Variants in CABIN1 observed in about 807,000 individuals in gnomAD.
CABIN1 encodes the protein calcineurin-binding protein cabin-1.
CABIN1 carries 133 observed loss-of-function variants against 227.7 expected under a neutral mutation model. That is an observed-to-expected ratio of 0.58 (90% CI 0.51 to 0.67). The LOEUF is 0.67. CABIN1 is among the 30% of genes least tolerant of loss of function. The probability of loss-of-function intolerance (pLI) is 0.00; values close to 1 mark genes in which losing one functional copy is unlikely to be tolerated. For missense variants in CABIN1, 2,408 were observed against 2,852.5 expected (o/e 0.84, Z 3.55); for synonymous variants, 1,086 against 1,155.1 (o/e 0.94, Z 1.21).
intron 28 of CABIN1, among the ~76,000 whole-genome samples, chr22:24,131,595 C>T (rs2044076494): frequency 6.6e-6 from 1 of 152,194 alleles, no homozygotes; most frequent in Admixed American, 6.5e-5. Flanking sequence ...CCTGACTGCC[C>T]CAGGTGTCTG....
intron 3 of CABIN1, among the ~76,000 whole-genome samples, chr22:24,036,924 C>T (rs1209095262): frequency 6.6e-6 from 1 of 152,092 alleles, no homozygotes; most frequent in Non-Finnish European, 1.5e-5. Flanking sequence ...TGTCATCCTC[C>T]CCAGGCAATG....
At chr22:24,109,863 A>C (rs60848203) in intron 26 of CABIN1, among the ~76,000 whole-genome samples, 392 of 152,364 alleles carry the variant, frequency 2.6e-3, no homozygotes, top group African/African-American at 9.0e-3. Context: ...AGTTCAAGAC[A>C]AAGTTTTATT....
chr22:24,092,686 A>AAG (rs1487029333), intron 24 of CABIN1, among the ~76,000 whole-genome samples: 2 of 75,590 alleles, frequency 2.6e-5, no homozygotes, highest in Middle Eastern at 5.4e-3. Context: ...CTGATTATAA[A>AAG]AGTGTGTGTG....
At chr22:24,030,980 T>G (rs930670594) in intron 1 of CABIN1, among the ~76,000 whole-genome samples, 3 of 152,212 alleles carry the variant, frequency 2.0e-5, no homozygotes, top group Non-Finnish European at 4.4e-5. Flanking sequence ...TGCGTTCCTT[T>G]GAGACATTAC....
At position 24,026,510 on chromosome 22, in the gene CABIN1, G is replaced by A. The variant is rs559416348; in HGVS notation, c.-74-8934G>A. ...TTTTCTCCTGTGTTTTCTTTGTTTT[G>A]TATTTTATGTTTAGAAATGATCCAT... On this transcript the variant is annotated intron_variant, in intron 1 of 36. Coordinates refer to ENST00000263119, the MANE Select transcript of CABIN1 (RefSeq NM_012295.4). Among the ~76,000 whole-genome samples the A allele has an allele frequency of 9.1e-4, 138 of 152,090 alleles. 1 individual carries two copies. The highest frequency in any genetic ancestry group is 3.3e-3 in the African/African-American group (135 of 41,512).
At chr22:24,103,608 G>A (rs2147539721) in intron 26 of CABIN1, among the ~76,000 whole-genome samples, 2 of 152,298 alleles carry the variant, frequency 1.3e-5, no homozygotes, top group Admixed American at 1.3e-4. Context: ...CCTTCTCAAA[G>A]TGGGAGAGAC....
intron 6 of CABIN1, among the ~76,000 whole-genome samples, chr22:24,046,806 A>C (rs2037919671): frequency 6.6e-6 from 1 of 152,176 alleles, no homozygotes; most frequent in South Asian, 2.1e-4. Context: ...CAAAGGCCTG[A>C]GGACCAGGAG....
intron 24 of CABIN1, among the ~76,000 whole-genome samples, chr22:24,094,983 A>G (rs1225163183): frequency 2.0e-5 from 3 of 152,156 alleles, no homozygotes; most frequent in Admixed American, 1.3e-4. Context: ...CCCTCCCCCA[A>G]GTTTGGCCAC....
At chr22:24,026,619 T>C (rs1460722470) in intron 1 of CABIN1, among the ~76,000 whole-genome samples, 1 of 152,210 alleles carries the variant, frequency 6.6e-6, no homozygotes, top group Admixed American at 6.5e-5. Context: ...GTTCAGTTGT[T>C]CCGGAACCAT....
chr22:24,171,892 C>T lies in CABIN1; in HGVS notation c.5937C>T (p.Cys1979=). The T allele has an allele frequency of 1.9e-6, 3 of 1,614,108 alleles. No individual in the cohort carries two copies. Among genetic ancestry groups the T allele is most frequent in the South Asian group, 1.1e-5 (1 of 91,088 alleles). The change falls in exon 34 of 37, where the codon TGC becomes TGT. Residue 1979 remains cysteine (C), a synonymous_variant. Coordinates refer to ENST00000263119, the MANE Select transcript of CABIN1 (RefSeq NM_012295.4). ...CTGCCGCCACAACTATTATCACCTG[C>T]CCTCCGTCAGCATCAGCTTCCACCC... is the stretch of plus-strand genomic sequence containing the variant. ...ALAAATTIIT[C]PPSASASTLD...
At chr22:24,100,051 A>G (rs1208121707) in intron 26 of CABIN1, among the ~76,000 whole-genome samples, 1 of 152,252 alleles carries the variant, frequency 6.6e-6, no homozygotes, top group East Asian at 1.9e-4. Flanking sequence ...CCTGGGTGCC[A>G]ACATGCTAGT....
intron 33 of CABIN1, 57 bp from the exon 34 acceptor site, chr22:24,171,656 C>A: frequency 6.2e-7 from 1 of 1,604,042 alleles, no homozygotes; most frequent in Non-Finnish European, 8.5e-7. Flanking sequence ...GCGGGCAGAG[C>A]AGCGTGGGCT....
At chr22:24,067,593 TGAA>T (rs540362123) in intron 16 of CABIN1, among the ~76,000 whole-genome samples, 2 of 152,200 alleles carry the variant, frequency 1.3e-5, no homozygotes, top group Non-Finnish European at 2.9e-5. Flanking sequence ...ACCAATGTGT[TGAA>T]GAAAAATAAC....
At chr22:24,104,930 C>G (rs1602110099) in intron 26 of CABIN1, among the ~76,000 whole-genome samples, 2 of 152,334 alleles carry the variant, frequency 1.3e-5, no homozygotes, top group Non-Finnish European at 2.9e-5. Flanking sequence ...CAGGCTTTCA[C>G]TGCCCCAGGC....
At chr22:24,104,247 G>C (rs1303187166) in intron 26 of CABIN1, among the ~76,000 whole-genome samples, 2 of 152,214 alleles carry the variant, frequency 1.3e-5, no homozygotes, top group Admixed American at 6.5e-5. Context: ...ATGGCTGGGG[G>C]ATGCCAGCCT....
chr22:24,024,491 A>G (rs1396090883), intron 1 of CABIN1, among the ~76,000 whole-genome samples: 1 of 152,152 alleles, frequency 6.6e-6, no homozygotes, highest in Non-Finnish European at 1.5e-5. Context: ...ATGTGTCTCA[A>G]TGTGGATGTC....
chr22:24,076,463 A>G (rs2040450996), intron 19 of CABIN1, among the ~76,000 whole-genome samples, 179 bp downstream of exon 19: 1 of 152,086 alleles, frequency 6.6e-6, no homozygotes, highest in South Asian at 2.1e-4. Context: ...AGCTTGTCAG[A>G]AAGTCTGATA....
intron 34 of CABIN1, among the ~76,000 whole-genome samples, chr22:24,172,296 C>G (rs774463670): frequency 4.6e-5 from 7 of 152,228 alleles, no homozygotes; most frequent in Non-Finnish European, 7.3e-5. Context: ...CTACTGTTTC[C>G]TCCCCACAAA....
At chr22:24,164,623 C>A in intron 30 of CABIN1, 60 bp downstream of exon 30, 1 of 1,561,252 alleles carries the variant, frequency 6.4e-7, no homozygotes, top group Non-Finnish European at 8.7e-7. Context: ...GCACACACAC[C>A]CCAGGAAGCC....
Sources: gnomAD v4.1 joint callset for allele counts (sites outside exome capture counted in the v4.1 genomes callset) on GRCh38, gnomAD v4.1.1 for gene constraint, MANE v1.5 for transcripts, NCBI Gene and HGNC (gene_info 2026-07-23, HGNC 2026-07-21) for gene names.